Variants in STX8 observed in about 807,000 individuals in gnomAD.
STX8 encodes syntaxin-8.
In STX8, 23 loss-of-function variants were observed where a neutral mutation model predicts 37.5. That is an observed-to-expected ratio of 0.61 (90% CI 0.44 to 0.87). STX8 has a LOEUF of 0.87. Ranked by LOEUF, STX8 falls within the 40% of genes least tolerant of loss-of-function variation. The probability of loss-of-function intolerance (pLI) is 0.00; values close to 1 mark genes in which losing one functional copy is unlikely to be tolerated. For missense variants in STX8, 313 were observed against 284.7 expected (o/e 1.10, Z -0.71); for synonymous variants, 115 against 99.1 (o/e 1.16, Z -0.95).
intron 4 of STX8, 71 bp from the exon 5 acceptor site, chr17:9,505,233 G>A: frequency 2.0e-6 from 3 of 1,537,096 alleles, no homozygotes; most frequent in East Asian, 2.3e-5. Flanking sequence ...TCCCACAAGT[G>A]CAGAGGTGGC....
intron 7 of STX8, among the ~76,000 whole-genome samples, chr17:9,357,639 G>A (rs909709354): frequency 6.6e-6 from 1 of 151,934 alleles, no homozygotes; most frequent in Non-Finnish European, 1.5e-5. Flanking sequence ...GAGGCTGCAG[G>A]GAGCTGTGAT....
chr17:9,484,279 G>A (rs1264116046), intron 6 of STX8, among the ~76,000 whole-genome samples: 2 of 151,556 alleles, frequency 1.3e-5, no homozygotes, highest in South Asian at 2.1e-4. Flanking sequence ...ACAAGTAAAT[G>A]TCAATCAGTC....
At chr17:9,521,332 T>C (rs1447353962) in intron 4 of STX8, among the ~76,000 whole-genome samples, 1 of 152,104 alleles carries the variant, frequency 6.6e-6, no homozygotes, top group Non-Finnish European at 1.5e-5. Context: ...ATTCCACAAG[T>C]GTTGATGAAT....
At chr17:9,542,398 C>G (rs1036041009) in intron 4 of STX8, among the ~76,000 whole-genome samples, 6 of 151,074 alleles carry the variant, frequency 4.0e-5, no homozygotes, top group Non-Finnish European at 7.4e-5. Flanking sequence ...AAAACAAGGG[C>G]CGGGAGCTGT....
At chr17:9,573,062 T>C (rs1907742909) in intron 1 of STX8, among the ~76,000 whole-genome samples, 1 of 145,820 alleles carries the variant, frequency 6.9e-6, no homozygotes, top group African/African-American at 2.5e-5. Context: ...AAAATAAAAT[T>C]CTAAGCCCAC....
chr17:9,469,753 C>A (rs911914743), intron 6 of STX8: 2 of 152,230 alleles, frequency 1.3e-5, no homozygotes, highest in South Asian at 2.1e-4. Flanking sequence ...TTATCGTCAC[C>A]CCTAGAGATG....
intron 7 of STX8, among the ~76,000 whole-genome samples, chr17:9,356,187 C>T (rs1161784948): frequency 1.3e-5 from 2 of 152,124 alleles, no homozygotes; most frequent in African/African-American, 2.4e-5. Context: ...GAAATAGCAT[C>T]GTTCCTTCCA....
chr17:9,417,297 T>C (rs887626912), intron 6 of STX8, among the ~76,000 whole-genome samples: 1 of 152,152 alleles, frequency 6.6e-6, no homozygotes, highest in Non-Finnish European at 1.5e-5. Flanking sequence ...GCCAAAGCTT[T>C]AGTATATTTT....
intron 7 of STX8, among the ~76,000 whole-genome samples, chr17:9,337,781 G>C (rs1314081055): frequency 6.6e-6 from 1 of 152,246 alleles, no homozygotes; most frequent in East Asian, 1.9e-4. Context: ...ATGCGGGATA[G>C]AAAAGAGGGC....
chr17:9,495,480 T>C (rs529717598), intron 5 of STX8, among the ~76,000 whole-genome samples: 57 of 152,174 alleles, frequency 3.7e-4, no homozygotes, highest in African/African-American at 1.3e-3. Context: ...CAGTTTCCAT[T>C]AGGAAAAGAG....
At chr17:9,320,017 T>A (rs2142203065) in intron 7 of STX8, among the ~76,000 whole-genome samples, 1 of 150,104 alleles carries the variant, frequency 6.7e-6, no homozygotes, top group South Asian at 2.1e-4. Context: ...ATACTAAAGG[T>A]GATGTTTAAA....
intron 7 of STX8, among the ~76,000 whole-genome samples, chr17:9,271,236 T>C (rs1907446251): frequency 6.7e-6 from 1 of 149,474 alleles, no homozygotes; most frequent in East Asian, 2.0e-4. Flanking sequence ...GGCGGATCAC[T>C]TGAGGTCATG....
chr17:9,333,601 G>T (rs773709476), intron 7 of STX8, among the ~76,000 whole-genome samples: 1 of 152,258 alleles, frequency 6.6e-6, no homozygotes, highest in East Asian at 1.9e-4. Flanking sequence ...GTGTTAGCCA[G>T]GATGGTCTGG....
chr17:9,271,085 T>C (rs1482303670), intron 7 of STX8, among the ~76,000 whole-genome samples: 1 of 152,200 alleles, frequency 6.6e-6, no homozygotes, highest in Non-Finnish European at 1.5e-5. Flanking sequence ...ACGACAGAAA[T>C]GTTTGTGTTT....
At chr17:9,431,254 A>C (rs9900493) in intron 6 of STX8, among the ~76,000 whole-genome samples, 4,876 of 130,484 alleles carry the variant, frequency 0.037, no homozygotes, top group African/African-American at 0.13. Context: ...TTTTTTTAGT[A>C]GAGATGGGGT....
At chr17:9,557,235 G>T in intron 3 of STX8, 199 bp downstream of exon 3, 1 of 522,700 alleles carries the variant, frequency 1.9e-6, no homozygotes, top group East Asian at 3.4e-5. Flanking sequence ...CCCTCGGTAG[G>T]TCTTGCTTTG....
At chr17:9,474,696 G>C (rs538165594) in intron 6 of STX8, among the ~76,000 whole-genome samples, 32 of 152,352 alleles carry the variant, frequency 2.1e-4, no homozygotes, top group African/African-American at 7.5e-4. Context: ...TTCCCAGCCA[G>C]GCACAGTGGC....
chr17:9,337,110 T>A (rs1420981558), intron 7 of STX8, among the ~76,000 whole-genome samples: 4 of 152,076 alleles, frequency 2.6e-5, no homozygotes, highest in Non-Finnish European at 5.9e-5. Flanking sequence ...AAACATGTCG[T>A]CCCTACAAAC....
chr17:9,514,220 C>A (rs1282314124), intron 4 of STX8, among the ~76,000 whole-genome samples: 1 of 152,174 alleles, frequency 6.6e-6, no homozygotes, highest in Non-Finnish European at 1.5e-5. Flanking sequence ...TATGAATGTG[C>A]TAATTATCCT....
Sources: gnomAD v4.1 joint callset for allele counts (sites outside exome capture counted in the v4.1 genomes callset) on GRCh38, gnomAD v4.1.1 for gene constraint, MANE v1.5 for transcripts, NCBI Gene and HGNC (gene_info 2026-07-23, HGNC 2026-07-21) for gene names.